CAST: variants seen among roughly 807,000 people sequenced by gnomAD.
CAST encodes the protein calpastatin.
Under a neutral mutation model 119.6 loss-of-function variants are expected in CAST, and 76 were observed. That is an observed-to-expected ratio of 0.64 (90% CI 0.53 to 0.77). The LOEUF (loss-of-function observed/expected upper bound fraction) is 0.77. CAST is among the 30% of genes least tolerant of loss of function. The probability of loss-of-function intolerance (pLI) is 0.00; values close to 1 mark genes in which losing one functional copy is unlikely to be tolerated. For missense variants in CAST, 953 were observed against 946.5 expected (o/e 1.01, Z -0.09); for synonymous variants, 319 against 331.6 (o/e 0.96, Z 0.41).
In CAST at chr5:96,719,452, C is replaced by G. The variant is rs114899026; in HGVS notation, c.211-3187C>G. ...CTGGGATTTCAGGTGTGAGCCATTG[C>G]ACCCATCTGTACATTGCTTTTTAAA... On this transcript the variant is annotated intron_variant, in intron 3 of 31. Coordinates refer to ENST00000675179, the MANE Select transcript of CAST (RefSeq NM_001750.7). Among the ~76,000 whole-genome samples, 127 of 152,358 alleles carry G rather than the reference C, an allele frequency of 8.3e-4. 1 individual carries two copies. The highest frequency in any genetic ancestry group is 2.9e-3 in the African/African-American group (120 of 41,580).
chr5:96,736,565 T>C (rs986648956), intron 10 of CAST, among the ~76,000 whole-genome samples: 6 of 152,160 alleles, frequency 3.9e-5, no homozygotes, highest in African/African-American at 1.4e-4. Context: ...AGGTACTTCT[T>C]TTTTTCTGAA....
intron 1 of CAST, among the ~76,000 whole-genome samples, chr5:96,666,715 A>G (rs377579123): frequency 1.2e-4 from 19 of 152,218 alleles, no homozygotes; most frequent in African/African-American, 3.9e-4. Context: ...CTTTTAAACC[A>G]AGAGTAGCAT....
the CAST span, among the ~76,000 whole-genome samples, chr5:96,092,737 G>A: frequency 3.9e-5 from 6 of 152,046 alleles, no homozygotes; most frequent in African/African-American, 1.2e-4. Context: ...TTCTATTTCC[G>A]GAAGAAAAAC....
At chr5:96,016,574 G>A in the CAST span, among the ~76,000 whole-genome samples, 1 of 152,058 alleles carries the variant, frequency 6.6e-6, no homozygotes. Context: ...ACCTGCACAC[G>A]GCATATGTCA....
chr5:96,297,868 A>G, the CAST span, among the ~76,000 whole-genome samples: 2 of 152,314 alleles, frequency 1.3e-5, no homozygotes, highest in Admixed American at 1.3e-4. Context: ...TATGCAGAAC[A>G]ATTTCTAAAT....
chr5:96,347,540 T>A, the CAST span, among the ~76,000 whole-genome samples: 1 of 152,164 alleles, frequency 6.6e-6, no homozygotes, highest in Non-Finnish European at 1.5e-5. Flanking sequence ...CCTTGGTTTT[T>A]TTCTCTCCTT....
chr5:96,102,544 CT>C, the CAST span, among the ~76,000 whole-genome samples: 1 of 152,168 alleles, frequency 6.6e-6, no homozygotes, highest in African/African-American at 2.4e-5. Flanking sequence ...GAAATTCTCA[CT>C]TTGGGCCGTG....
At chr5:96,619,606 A>G (rs1344674406) in intron 1 of CAST, among the ~76,000 whole-genome samples, 1 of 152,158 alleles carries the variant, frequency 6.6e-6, no homozygotes, top group Non-Finnish European at 1.5e-5. Context: ...CGCTTCCTTT[A>G]TGAGCTGTAA....
At chr5:96,167,891 G>A in the CAST span, among the ~76,000 whole-genome samples, 1 of 152,174 alleles carries the variant, frequency 6.6e-6, no homozygotes, top group African/African-American at 2.4e-5. Context: ...AGGGAAGTGG[G>A]TGGGGGGGCC....
chr5:96,410,617 T>C, the CAST span, among the ~76,000 whole-genome samples: 1 of 152,260 alleles, frequency 6.6e-6, no homozygotes, highest in Non-Finnish European at 1.5e-5. Flanking sequence ...AACTTTCTGA[T>C]GGATGCCAGC....
chr5:96,328,043 G>A, the CAST span, among the ~76,000 whole-genome samples: 1 of 152,216 alleles, frequency 6.6e-6, no homozygotes. Flanking sequence ...GTTCTGAAAT[G>A]AGGACACATG....
chr5:96,333,506 C>T, the CAST span, among the ~76,000 whole-genome samples: 1 of 151,858 alleles, frequency 6.6e-6, no homozygotes, highest in Non-Finnish European at 1.5e-5. Flanking sequence ...TTTTTTCTTG[C>T]TTGGTCTTCC....
chr5:96,386,858 A>G, the CAST span, among the ~76,000 whole-genome samples: 1 of 152,110 alleles, frequency 6.6e-6, no homozygotes, highest in Admixed American at 6.6e-5. Context: ...CCAGCTACTC[A>G]GGAGACTGAG....
chr5:96,300,543 GC>G, the CAST span, among the ~76,000 whole-genome samples: 2 of 150,890 alleles, frequency 1.3e-5, no homozygotes, highest in Non-Finnish European at 2.9e-5. Flanking sequence ...GATGCTTCCA[GC>G]TTTGTTCTTT....
At chr5:96,704,436 ATTTT>A (rs893197014) in intron 3 of CAST, among the ~76,000 whole-genome samples, 7 of 152,092 alleles carry the variant, frequency 4.6e-5, no homozygotes, top group African/African-American at 1.7e-4. Flanking sequence ...AAAAGAAAGC[ATTTT>A]CTTTTCATTT....
chr5:96,556,687 C>T (rs566312635), intron 1 of CAST, among the ~76,000 whole-genome samples: 4 of 152,152 alleles, frequency 2.6e-5, no homozygotes, highest in Non-Finnish European at 5.9e-5. Context: ...TGAACAAAGC[C>T]TCCAAGAAAT....
intron 1 of CAST, among the ~76,000 whole-genome samples, chr5:96,673,865 A>T (rs777573550): frequency 3.3e-5 from 5 of 152,216 alleles, no homozygotes; most frequent in Admixed American, 2.6e-4. Flanking sequence ...CTTGACTAGG[A>T]TGTATAGGTA....
intron 1 of CAST, chr5:96,545,129 G>T (rs1451814047): frequency 6.6e-6 from 1 of 152,096 alleles, no homozygotes; most frequent in African/African-American, 2.4e-5. Context: ...ATCTCTCAAA[G>T]ATCACTGTCT....
the CAST span, among the ~76,000 whole-genome samples, chr5:96,096,998 T>A: frequency 6.6e-6 from 1 of 152,214 alleles, no homozygotes; most frequent in Non-Finnish European, 1.5e-5. Flanking sequence ...TTTAAAAAAA[T>A]ATAATTTCCT....
Sources: gnomAD v4.1 joint callset for allele counts (sites outside exome capture counted in the v4.1 genomes callset) on GRCh38, gnomAD v4.1.1 for gene constraint, MANE v1.5 for transcripts, NCBI Gene and HGNC (gene_info 2026-07-23, HGNC 2026-07-21) for gene names.